The following TSFM variants were observed in gnomAD, a reference collection of about 807,000 sequenced individuals.
TSFM encodes the protein Ts translation elongation factor, mitochondrial.
A neutral mutation model predicts 33.4 loss-of-function variants in TSFM; 29 were observed. That is an observed-to-expected ratio of 0.87 (90% confidence interval 0.65 to 1.18). TSFM has a LOEUF of 1.18. Among genes scored for constraint, TSFM ranks in the 50% most tolerant of loss-of-function variants. The pLI, the probability that TSFM is intolerant of heterozygous loss-of-function variation, is 0.00. For missense variants in TSFM, 394 were observed against 395.6 expected (o/e 1.00, Z 0.04); for synonymous variants, 178 against 163.5 (o/e 1.09, Z -0.68).
At chr12:57,795,087 A>ATG (rs1555205433) in intron 5 of TSFM, among the ~76,000 whole-genome samples, 1 of 135,096 alleles carries the variant, frequency 7.4e-6, no homozygotes, top group African/African-American at 2.8e-5. Context: ...ATATATATAT[A>ATG]TGTATATATA....
chr12:57,788,043 A>C (rs1955612764), intron 4 of TSFM, among the ~76,000 whole-genome samples: 1 of 152,260 alleles, frequency 6.6e-6, no homozygotes, highest in African/African-American at 2.4e-5. Flanking sequence ...TTGCCAAGGC[A>C]AAGATGAACC....
At chr12:57,786,478 G>A (rs929772731) in intron 3 of TSFM, among the ~76,000 whole-genome samples, 187 bp downstream of exon 3, 1 of 152,250 alleles carries the variant, frequency 6.6e-6, no homozygotes, top group African/African-American at 2.4e-5. Flanking sequence ...ATGTACTGGT[G>A]TGTTGATGAG....
intron 4 of TSFM, among the ~76,000 whole-genome samples, chr12:57,789,105 G>A (rs1232758018): frequency 1.3e-5 from 2 of 151,828 alleles, no homozygotes; most frequent in Non-Finnish European, 2.9e-5. Context: ...GGGATTACAG[G>A]CACCTGCCAT....
At chr12:57,795,939 G>T (rs536988304) in intron 5 of TSFM, among the ~76,000 whole-genome samples, 4 of 152,216 alleles carry the variant, frequency 2.6e-5, no homozygotes, top group African/African-American at 9.6e-5. Flanking sequence ...CAGAGTGCCT[G>T]GCACATAGTT....
intron 2 of TSFM, among the ~76,000 whole-genome samples, chr12:57,785,813 T>C (rs2140416707): frequency 6.6e-6 from 1 of 152,336 alleles, no homozygotes; most frequent in East Asian, 1.9e-4. Context: ...TTAGGAGGAC[T>C]ACCGTGTCAC....
intron 2 of TSFM, chr12:57,783,616 C>G: frequency 1.8e-6 from 1 of 551,014 alleles, no homozygotes; most frequent in South Asian, 1.5e-5. Context: ...TTTTTTCAGA[C>G]GGAGTCTTGC....
chr12:57,782,987 C>A, intron 1 of TSFM, 123 bp from the exon 2 acceptor site: 1 of 1,472,000 alleles, frequency 6.8e-7, no homozygotes, highest in Non-Finnish European at 9.1e-7. Flanking sequence ...TCTGCCCAGT[C>A]CAGCCCCGGT....
chr12:57,794,259 T>C (rs1955701506), intron 5 of TSFM, among the ~76,000 whole-genome samples: 1 of 152,216 alleles, frequency 6.6e-6, no homozygotes, highest in African/African-American at 2.4e-5. Flanking sequence ...TTTTAAAATT[T>C]GTTTTGGTTT....
At position 57,783,265 on chromosome 12, in the gene TSFM, T is replaced by C. The variant is rs1185814791; in HGVS notation, c.213T>C (p.Cys71=). ...FVNCKKALET[C]GGDLKQAEIW... ...ATTGCAAGAAAGCTCTGGAGACTTG[T>C]GGCGGGGACCTCAAACAGGTGTGTG... Residue 71 remains cysteine, a synonymous_variant, in exon 2 of 6, where the codon TGT becomes TGC. Transcript: ENST00000652027. The C allele has an allele frequency of 6.2e-7, 1 of 1,613,782 alleles. No individual in the cohort carries two copies. Among genetic ancestry groups the C allele is most frequent in the East Asian group, 2.2e-5 (1 of 44,874 alleles).
intron 5 of TSFM, 96 bp from the exon 6 acceptor site, chr12:57,796,081 C>T: frequency 9.0e-7 from 1 of 1,105,126 alleles, no homozygotes; most frequent in East Asian, 2.4e-5. Context: ...TGCAAAGGGA[C>T]TGTCTTCCAA....
chr12:57,801,323 C>T (rs896355595), downstream of TSFM: 1 of 810,666 alleles, frequency 1.2e-6, no homozygotes, highest in Non-Finnish European at 2.0e-6. Context: ...AGTCAGAAGA[C>T]ATTTCAAGGA....
At chr12:57,784,442 CAT>C (rs1183433522) in intron 2 of TSFM, among the ~76,000 whole-genome samples, 1 of 152,146 alleles carries the variant, frequency 6.6e-6, no homozygotes, top group Non-Finnish European at 1.5e-5. Context: ...TTTAATGTAA[CAT>C]TTTTATTTTA....
intron 5 of TSFM, among the ~76,000 whole-genome samples, chr12:57,793,410 G>A (rs567434433): frequency 6.6e-6 from 1 of 152,142 alleles, no homozygotes. Context: ...TTTTAGTAGA[G>A]ACAGGGTTTC....
intron 2 of TSFM, chr12:57,783,926 A>G (rs1483462805): frequency 4.3e-6 from 3 of 702,638 alleles, no homozygotes; most frequent in Non-Finnish European, 7.8e-6. Context: ...GACTTTAGAC[A>G]TCTTAATCTT....
rs768320625 is a variant in TSFM, at chr12:57,796,206, C to G, written c.601C>G (p.Arg201Gly). The G allele has an allele frequency of 1.9e-6, 3 of 1,582,170 alleles. No homozygotes were observed. The highest frequency in any genetic ancestry group is 1.7e-6 in the Non-Finnish European group (2 of 1,163,944). The change falls in exon 6 of 6, where the codon CGA becomes GGA. Residue 201 changes from arginine to glycine, a missense_variant. Transcript: ENST00000652027. Reference sequence around the variant, plus strand: ...ACTGGGAGAAAACATGATTCTTAAACGAGCTGCATGGGTGAAGGTGCCATC... The same window carrying G: ...ACTGGGAGAAAACATGATTCTTAAAGGAGCTGCATGGGTGAAGGTGCCATC... ...GKLGENMILK[R>G]AAWVKVPSGF... is the part of the protein sequence containing the mutation.
At chr12:57,794,910 C>G (rs1400769260) in intron 5 of TSFM, among the ~76,000 whole-genome samples, 5 of 151,848 alleles carry the variant, frequency 3.3e-5, no homozygotes, top group Non-Finnish European at 5.9e-5. Context: ...TAGGTGCCCG[C>G]CAGCACGCCC....
rs556636790 is a variant in TSFM, at chr12:57,784,007, G to T, written c.231+724G>T. ...AGGAAGATACATTCTGAGAAATGGCGTCGTTAGGAGATTTTGGCTTATGCA... is the reference window on the plus strand; with the variant it reads ...AGGAAGATACATTCTGAGAAATGGCTTCGTTAGGAGATTTTGGCTTATGCA... On this transcript the variant is annotated intron_variant, in intron 2 of 5. Coordinates refer to ENST00000652027, the MANE Select transcript of TSFM (RefSeq NM_005726.6). The T allele has an allele frequency of 4.3e-6, 3 of 702,838 alleles. No homozygotes were observed. In the African/African-American group the frequency reaches 5.2e-5, roughly 12 times the overall value. The allele number at this position is 702,838 out of a possible 1,614,324, so 43.5% of individuals were successfully genotyped here. A position where few individuals can be genotyped will look rare whatever the true frequency, so the allele number is the denominator to read the frequency against.
chr12:57,787,952 G>A (rs1665746570), intron 4 of TSFM, among the ~76,000 whole-genome samples: 1 of 152,020 alleles, frequency 6.6e-6, no homozygotes, highest in African/African-American at 2.4e-5. Context: ...GAAAAGACAT[G>A]GTTTAGGAAA....
In TSFM at chr12:57,796,733, G is replaced by A. The variant is rs951896899; in HGVS notation, c.*150G>A. On this transcript the variant is annotated 3_prime_UTR_variant, in exon 6 of 6. Transcript: ENST00000652027. Reference sequence around the variant, plus strand: ...AATAAAAATAATTTTTTCCTTGTTTGCGTAATACTGGATTTAGCTTTTCTG... The same window carrying A: ...AATAAAAATAATTTTTTCCTTGTTTACGTAATACTGGATTTAGCTTTTCTG... 1 of 1,235,442 alleles carries A rather than the reference G, an allele frequency of 8.1e-7. No individual in the cohort carries two copies. The highest frequency in any genetic ancestry group is 1.5e-5 in the African/African-American group (1 of 64,528). 76.5% of individuals were successfully genotyped at this position (1,235,442 alleles called of 1,614,324 possible).
Sources: gnomAD v4.1 joint callset for allele counts (sites outside exome capture counted in the v4.1 genomes callset) on GRCh38, gnomAD v4.1.1 for gene constraint, MANE v1.5 for transcripts, NCBI Gene and HGNC (gene_info 2026-07-23, HGNC 2026-07-21) for gene names.